Variants in PLA2G4A observed in about 807,000 individuals in gnomAD.
The protein encoded by PLA2G4A is cytosolic phospholipase A2.
Under a neutral mutation model 81.9 loss-of-function variants are expected in PLA2G4A, and 40 were observed. That is an observed-to-expected ratio of 0.49 (90% CI 0.38 to 0.64). The LOEUF is 0.64. Among genes scored for constraint, PLA2G4A ranks in the 30% least tolerant of loss-of-function variants. The pLI, the probability that PLA2G4A is intolerant of heterozygous loss-of-function variation, is 0.00. For missense variants in PLA2G4A, 715 were observed against 905.1 expected, an observed-to-expected ratio of 0.79 and a Z score of 2.69; for synonymous variants, 302 against 296.9, an observed-to-expected ratio of 1.02 and a Z score of -0.18.
chr1:186,966,569 C>T (rs943082918), intron 15 of PLA2G4A, among the ~76,000 whole-genome samples: 5 of 152,054 alleles, frequency 3.3e-5, no homozygotes, highest in Non-Finnish European at 5.9e-5. Context: ...TGGAGTCAGG[C>T]ATGTGGGGTA....
At chr1:186,830,802 A>T (rs1342790664) in intron 1 of PLA2G4A, among the ~76,000 whole-genome samples, 2 of 151,976 alleles carry the variant, frequency 1.3e-5, no homozygotes, top group Non-Finnish European at 2.9e-5. Context: ...GCAGTCATAA[A>T]ATCGAATCAT....
chr1:186,833,334 G>A (rs1558342048), intron 1 of PLA2G4A, among the ~76,000 whole-genome samples: 1 of 152,168 alleles, frequency 6.6e-6, no homozygotes, highest in Non-Finnish European at 1.5e-5. Context: ...GTTTGAGGCT[G>A]CAGTGAGCTT....
chr1:186,961,830 T>A (rs1475642793), intron 14 of PLA2G4A, among the ~76,000 whole-genome samples: 1 of 152,190 alleles, frequency 6.6e-6, no homozygotes, highest in Admixed American at 6.5e-5. Flanking sequence ...AAAATTAGAG[T>A]AATCTTCCTC....
intron 17 of PLA2G4A, among the ~76,000 whole-genome samples, chr1:186,985,700 A>G (rs1657870712): frequency 6.6e-6 from 1 of 152,066 alleles, no homozygotes. Flanking sequence ...CTGGTTCAAC[A>G]ATAGGAGGCT....
At chr1:186,979,534 A>G (rs905031123) in intron 17 of PLA2G4A, 62 bp downstream of exon 17, 5 of 1,018,092 alleles carry the variant, frequency 4.9e-6, no homozygotes, top group African/African-American at 3.2e-5. Flanking sequence ...AAATACACCA[A>G]TACCTCTTTT....
At chr1:186,963,714 A>T (rs535364078) in intron 14 of PLA2G4A, among the ~76,000 whole-genome samples, 26 of 152,292 alleles carry the variant, frequency 1.7e-4, no homozygotes, top group African/African-American at 5.8e-4. Context: ...TTTATTTGTT[A>T]TTCAGTATTT....
chr1:186,838,735 C>T (rs1483636940), intron 1 of PLA2G4A, among the ~76,000 whole-genome samples: 1 of 152,132 alleles, frequency 6.6e-6, no homozygotes, highest in Non-Finnish European at 1.5e-5. Context: ...TAGCTAAGTA[C>T]TTGTTTCTGA....
chr1:186,946,983 A>C (rs12720625), intron 12 of PLA2G4A, 22 bp downstream of exon 12: 1 of 1,244,176 alleles, frequency 8.0e-7, no homozygotes, highest in Admixed American at 1.7e-5. Context: ...ATATGCTTAC[A>C]TTGATACAAA....
Position 186,977,741 on chromosome 1 carries a change from T to A in PLA2G4A, c.1913T>A (p.Ile638Asn). 1 of 1,613,846 alleles carries A rather than the reference T, an allele frequency of 6.2e-7. No individual in the cohort carries two copies. The highest frequency in any genetic ancestry group is 2.2e-5 in the East Asian group (1 of 44,868). ...ATGGAGAAAGATTGCCCAACCATCA[T>A]CCACTTTGTTCTGGCCAACATCAAC... is the stretch of plus-strand genomic sequence containing the variant. ...PDMEKDCPTI[I>N]HFVLANINFR... The change falls in exon 16 of 18, where the codon ATC becomes AAC. Residue 638 changes from isoleucine to asparagine, a missense_variant. Coordinates refer to ENST00000367466, the MANE Select transcript of PLA2G4A (RefSeq NM_024420.3).
In PLA2G4A at chr1:186,918,942, C is replaced by T. The variant is rs372110201; in HGVS notation, c.558+7553C>T. ...CTAACAGGGCTGTTGCTGCCAGGGT[C>T]CTTAGACATAGTGGCCAGCCTTTGG... On this transcript the variant is annotated intron_variant, in intron 7 of 17. Transcript: ENST00000367466. Among the ~76,000 whole-genome samples the T allele has an allele frequency of 8.5e-5, 13 of 152,206 alleles. No individual in the cohort carries two copies. The East Asian group carries it at 1.7e-3, about 20-fold the overall frequency.
intron 13 of PLA2G4A, among the ~76,000 whole-genome samples, chr1:186,953,616 C>A (rs951384519): frequency 2.6e-5 from 4 of 152,266 alleles, no homozygotes; most frequent in Middle Eastern, 3.4e-3. Flanking sequence ...ATCCTGGAAC[C>A]ATTTACCTTC....
At chr1:186,918,159 G>A (rs1655215828) in intron 7 of PLA2G4A, among the ~76,000 whole-genome samples, 1 of 152,100 alleles carries the variant, frequency 6.6e-6, no homozygotes, top group African/African-American at 2.4e-5. Flanking sequence ...GGAGTAAGGG[G>A]GCTGCTATCG....
intron 2 of PLA2G4A, among the ~76,000 whole-genome samples, chr1:186,869,487 A>C (rs1259102927): frequency 1.3e-5 from 2 of 152,130 alleles, no homozygotes; most frequent in Non-Finnish European, 2.9e-5. Flanking sequence ...GAAGCTATTG[A>C]GTGCTGTCTA....
At chr1:186,964,309 A>G (rs183043089) in intron 14 of PLA2G4A, among the ~76,000 whole-genome samples, 262 of 152,106 alleles carry the variant, frequency 1.7e-3, no homozygotes, top group Non-Finnish European at 2.7e-3. Flanking sequence ...TTTTCCTGGC[A>G]AGTGAATTAG....
chr1:186,952,723 C>G (rs1211823994), intron 13 of PLA2G4A, among the ~76,000 whole-genome samples: 1 of 150,062 alleles, frequency 6.7e-6, no homozygotes, highest in Non-Finnish European at 1.5e-5. Flanking sequence ...CCCCTCCTCC[C>G]CCAACCCCTA....
At chr1:186,976,742 G>A (rs1657544406) in intron 15 of PLA2G4A, among the ~76,000 whole-genome samples, 1 of 152,174 alleles carries the variant, frequency 6.6e-6, no homozygotes, top group Non-Finnish European at 1.5e-5. Flanking sequence ...ATTGATTTAT[G>A]TTCTCCAGTT....
chr1:186,844,046 C>A (rs1571326947), intron 1 of PLA2G4A, among the ~76,000 whole-genome samples: 1 of 152,182 alleles, frequency 6.6e-6, no homozygotes, highest in African/African-American at 2.4e-5. Context: ...TATGGCACCA[C>A]CTGTTACTAC....
At chr1:186,848,150 G>T (rs552216217) in intron 1 of PLA2G4A, among the ~76,000 whole-genome samples, 43 of 152,216 alleles carry the variant, frequency 2.8e-4, no homozygotes, top group African/African-American at 8.2e-4. Context: ...ATGCGTTTGT[G>T]CATGTCAGGG....
chr1:186,890,614 G>A (rs184816908), intron 3 of PLA2G4A, among the ~76,000 whole-genome samples: 24 of 151,970 alleles, frequency 1.6e-4, no homozygotes, highest in African/African-American at 4.8e-4. Flanking sequence ...CCAGCACTTC[G>A]GGAGTCTGAG....
Sources: gnomAD v4.1 joint callset for allele counts (sites outside exome capture counted in the v4.1 genomes callset) on GRCh38, gnomAD v4.1.1 for gene constraint, MANE v1.5 for transcripts, NCBI Gene and HGNC (gene_info 2026-07-23, HGNC 2026-07-21) for gene names.